The following NOTCH2NLC variants were observed in gnomAD, a reference collection of about 807,000 sequenced individuals.
The protein encoded by NOTCH2NLC is notch homolog 2 N-terminal-like protein C.
NOTCH2NLC carries 4 observed loss-of-function variants against 17.7 expected under a neutral mutation model. The observed-to-expected ratio is 0.23, with a 90% CI of 0.11 to 0.52. The LOEUF is 0.52. Ranked by LOEUF, NOTCH2NLC falls within the 20% of genes least tolerant of loss-of-function variation. The probability of loss-of-function intolerance (pLI) is 0.96; values close to 1 mark genes in which losing one functional copy is unlikely to be tolerated. For missense variants in NOTCH2NLC, 57 were observed against 207.2 expected, an observed-to-expected ratio of 0.28 and a Z score of 4.45; for synonymous variants, 18 against 86.0, an observed-to-expected ratio of 0.21 and a Z score of 4.38.
Position 149,419,647 on chromosome 1 carries a change from T to TG in NOTCH2NLC, c.136-11293dup, listed in dbSNP as rs1311697311. ...TGAGTAATCAAAAGGCTGATGGAGTTGGAGGACTGGCGTTTTTAAGAGGAA... is the reference window on the plus strand; with the variant it reads ...TGAGTAATCAAAAGGCTGATGGAGTTGGGAGGACTGGCGTTTTTAAGAGGAA... On this transcript the variant is annotated intron_variant, in intron 1 of 4. Transcript: ENST00000650865. Among the ~76,000 whole-genome samples the TG allele has an allele frequency of 3.4e-4, 51 of 149,160 alleles. 2 individuals carry two copies. The highest frequency in any genetic ancestry group is 1.2e-3 in the African/African-American group (47 of 40,808).
rs1270142696 is a variant in NOTCH2NLC, at chr1:149,446,645, A to G, written c.210-8673A>G. ...GCCACTGTGCCCAGCTGAGACTTTT[A>G]AAGAAAAAGTCATAAATATATCTTT... On this transcript the variant is annotated intron_variant, in intron 2 of 4. Transcript: ENST00000650865. Among the ~76,000 whole-genome samples, 5 of 144,674 alleles carry G rather than the reference A, an allele frequency of 3.5e-5. 1 individual carries two copies. The highest frequency in any genetic ancestry group is 7.6e-5 in the Non-Finnish European group (5 of 65,676). The allele number at this position is 144,674 out of a possible 152,430, so 94.9% of individuals were successfully genotyped here.
At position 149,424,929 on chromosome 1, in the gene NOTCH2NLC, A is replaced by G. The variant is rs1308561814; in HGVS notation, c.136-6013A>G. Among the ~76,000 whole-genome samples, 7 of 151,426 alleles carry G rather than the reference A, an allele frequency of 4.6e-5. No individual in the cohort carries two copies. In the South Asian group the frequency reaches 1.5e-3, roughly 32 times the overall value. ...CATTACTGTGGGTGGGCACCAAGTTATTCATGAGAGATCTGCCCCCATAAC... is the reference window on the plus strand; with the variant it reads ...CATTACTGTGGGTGGGCACCAAGTTGTTCATGAGAGATCTGCCCCCATAAC... On this transcript the variant is annotated intron_variant, in intron 1 of 4. Coordinates refer to ENST00000650865, the MANE Select transcript of NOTCH2NLC (RefSeq NM_001364013.2).
intron 1 of NOTCH2NLC, among the ~76,000 whole-genome samples, chr1:149,393,389 C>T (rs1371625016): frequency 4.0e-5 from 6 of 151,052 alleles, no homozygotes; most frequent in African/African-American, 1.5e-4. Context: ...ACAGTGAAGG[C>T]TTCTTGAATC....
In NOTCH2NLC at chr1:149,435,459, G is replaced by C. The variant is rs2084476562; in HGVS notation, c.209+4444G>C. Among the ~76,000 whole-genome samples, 4 of 148,814 alleles carry C rather than the reference G, an allele frequency of 2.7e-5. 1 individual carries two copies. Among genetic ancestry groups the C allele is most frequent in the Non-Finnish European group, 6.0e-5 (4 of 67,202 alleles). On this transcript the variant is annotated intron_variant, in intron 2 of 4. Transcript: ENST00000650865. ...TGGGCCTACTTCTGTTCTGCCCTTA[G>C]TCCGATGACACAAATCTTAGTCATG... is the stretch of plus-strand genomic sequence containing the variant.
At chr1:149,460,499 C>T (rs1385806302) in intron 3 of NOTCH2NLC, among the ~76,000 whole-genome samples, 6 of 148,594 alleles carry the variant, frequency 4.0e-5, no homozygotes, top group South Asian at 2.1e-4. Flanking sequence ...CCGCCATGCC[C>T]GGCTAATTTT....
chr1:149,401,977 A>C (rs1303206613), intron 1 of NOTCH2NLC, among the ~76,000 whole-genome samples: 1 of 136,764 alleles, frequency 7.3e-6, no homozygotes, highest in Non-Finnish European at 1.6e-5. Flanking sequence ...TAATCCTCAC[A>C]AACTTGGTGG....
rs1187194574 is a variant in NOTCH2NLC at position 149,392,868 on chromosome 1, G to A, written c.135+1946G>A. ...GGGCGGATCACGAGGTCAGGAGATC[G>A]AGACCATCCCGGCTAAAACGGTGAA... On this transcript the variant is annotated intron_variant, in intron 1 of 4. Coordinates refer to ENST00000650865, the MANE Select transcript of NOTCH2NLC (RefSeq NM_001364013.2). Among the ~76,000 whole-genome samples, 5 of 150,660 alleles carry A rather than the reference G, an allele frequency of 3.3e-5. No individual in the cohort carries two copies. The East Asian group carries it at 9.9e-4, about 30-fold the overall frequency.
At chr1:149,454,518 G>A (rs1441756975) in intron 2 of NOTCH2NLC, among the ~76,000 whole-genome samples, 2 of 147,486 alleles carry the variant, frequency 1.4e-5, no homozygotes, top group Non-Finnish European at 3.0e-5. Context: ...CCTCAATGTG[G>A]AAAATATCAT....
At chr1:149,419,403 A>G (rs1570906397) in intron 1 of NOTCH2NLC, among the ~76,000 whole-genome samples, 2 of 150,592 alleles carry the variant, frequency 1.3e-5, no homozygotes, top group African/African-American at 4.9e-5. Flanking sequence ...AAGTTCCAAT[A>G]TGGTCACTTA....
intron 3 of NOTCH2NLC, among the ~76,000 whole-genome samples, chr1:149,462,195 C>T (rs1281953170): frequency 2.7e-5 from 4 of 149,140 alleles, no homozygotes; most frequent in Non-Finnish European, 6.0e-5. Context: ...GCGACTTAGA[C>T]TAATGACAAC....
At chr1:149,401,002 C>T (rs1323685002) in intron 1 of NOTCH2NLC, among the ~76,000 whole-genome samples, 18 of 150,488 alleles carry the variant, frequency 1.2e-4, no homozygotes, top group African/African-American at 4.4e-4. Flanking sequence ...CTGAAGCAAC[C>T]TGTTGTTTTG....
rs2084697331 is a variant in NOTCH2NLC at position 149,468,251 on chromosome 1, T to TGATGTTCCTGAAA, written c.*4110_*4122dup. Among the ~76,000 whole-genome samples the TGATGTTCCTGAAA allele has an allele frequency of 2.3e-5, 3 of 127,826 alleles. No homozygotes were observed. The highest frequency in any genetic ancestry group is 8.9e-5 in the African/African-American group (3 of 33,774). The allele number at this position is 127,826 out of a possible 152,430, so 83.9% of individuals were successfully genotyped here. On this transcript the variant is annotated 3_prime_UTR_variant, in exon 5 of 5. Transcript: ENST00000650865. ...ACTTGGGCCCTAAGTCTGTTTTACC[T>TGATGTTCCTGAAA]GATGTTCCTGAAAGATGTTCCTGAT...
chr1:149,412,898 CTTT>C (rs1228082474), intron 1 of NOTCH2NLC, among the ~76,000 whole-genome samples: 240 of 95,596 alleles, frequency 2.5e-3, no homozygotes, highest in African/African-American at 3.5e-3. Flanking sequence ...AGATGACTGA[CTTT>C]TTTTTTTTTT....
chr1:149,400,181 G>T, intron 1 of NOTCH2NLC, among the ~76,000 whole-genome samples: 1 of 130,796 alleles, frequency 7.6e-6, no homozygotes, highest in Non-Finnish European at 1.6e-5. Flanking sequence ...ATATATATAT[G>T]CACACACACA....
chr1:149,445,525 G>A (rs2084544637), intron 2 of NOTCH2NLC, among the ~76,000 whole-genome samples: 1 of 147,510 alleles, frequency 6.8e-6, no homozygotes, highest in South Asian at 2.2e-4. Flanking sequence ...TTTTTCCCCT[G>A]CCCTTACCTC....
intron 1 of NOTCH2NLC, among the ~76,000 whole-genome samples, chr1:149,430,270 TCTC>T (rs1338138585): frequency 0.026 from 3,596 of 137,266 alleles, 166 homozygotes; most frequent in Non-Finnish European, 0.04. Context: ...AAAATTGCCT[TCTC>T]CTTTTATTTC....
chr1:149,468,958 C>CTTTTTTTT lies in NOTCH2NLC; in HGVS notation c.*4822_*4829dup, dbSNP rs1175539238. Among the ~76,000 whole-genome samples the CTTTTTTTT allele has an allele frequency of 6.4e-4, 34 of 53,430 alleles. No homozygotes were observed. The highest frequency in any genetic ancestry group is 1.2e-3 in the African/African-American group (13 of 10,740). The allele number at this position is 53,430 out of a possible 152,430, so 35.1% of individuals were successfully genotyped here. ...GGCATGTGTCATTTTCTTTTCTTTTCTTTTTTTTTTTTTTTTTTTTTTTTG... is the reference window on the plus strand; with the variant it reads ...GGCATGTGTCATTTTCTTTTCTTTTCTTTTTTTTTTTTTTTTTTTTTTTTTTTTTTTTG... On this transcript the variant is annotated 3_prime_UTR_variant, in exon 5 of 5. Coordinates refer to ENST00000650865, the MANE Select transcript of NOTCH2NLC (RefSeq NM_001364013.2).
At chr1:149,446,355 A>G (rs2084553037) in intron 2 of NOTCH2NLC, among the ~76,000 whole-genome samples, 1 of 101,212 alleles carries the variant, frequency 9.9e-6, no homozygotes, top group Non-Finnish European at 2.0e-5. Context: ...GTATCCTTCA[A>G]ATGGAATGTT....
rs1368398942 is a variant in NOTCH2NLC, at chr1:149,417,330, G to C, written c.136-13612G>C. ...TCACCGTGTTAGCCAGGATGGTCTC[G>C]ATCTCCTGACCTCGTGATCCGCCTG... On this transcript the variant is annotated intron_variant, in intron 1 of 4. Coordinates refer to ENST00000650865, the MANE Select transcript of NOTCH2NLC (RefSeq NM_001364013.2). 8.0e-5 allele frequency among the ~76,000 whole-genome samples: 12 copies of C among 150,724 alleles called. 2 individuals carry two copies. Among genetic ancestry groups the C allele is most frequent in the African/African-American group, 2.9e-4 (12 of 41,196 alleles).
Sources: gnomAD v4.1 joint callset for allele counts (sites outside exome capture counted in the v4.1 genomes callset) on GRCh38, gnomAD v4.1.1 for gene constraint, MANE v1.5 for transcripts, NCBI Gene and HGNC (gene_info 2026-07-23, HGNC 2026-07-21) for gene names.